Variants in ARHGEF28 observed in about 807,000 individuals in gnomAD.
ARHGEF28 encodes 190 kDa guanine nucleotide exchange factor.
ARHGEF28 carries 152 observed loss-of-function variants against 206.6 expected under a neutral mutation model. That is an observed-to-expected ratio of 0.74 (90% CI 0.64 to 0.84). The LOEUF is 0.84. ARHGEF28 is among the 40% of genes least tolerant of loss of function. The pLI, the probability that ARHGEF28 is intolerant of heterozygous loss-of-function variation, is 0.00. For synonymous variants in ARHGEF28, 763 were observed against 776.4 expected (o/e 0.98, Z 0.29); for missense variants, 2,028 against 2,073.2 (o/e 0.98, Z 0.42).
intron 9 of ARHGEF28, among the ~76,000 whole-genome samples, chr5:73,806,500 T>C (rs1755474978): frequency 8.4e-6 from 1 of 119,178 alleles, no homozygotes; most frequent in Non-Finnish European, 1.7e-5. Context: ...ATGTATATAG[T>C]ATATATCTAT....
At position 73,894,535 on chromosome 5, in the gene ARHGEF28, T is replaced by C; in HGVS notation, c.3801T>C (p.Pro1267=). ...TTATTAAACCTGACCCAGGCGAGCC[T>C]CCCCAGGCAGCCTCATTACTGGCAG... The part of the protein sequence containing the change: ...HLLIKPDPGE[P]PQAASLLAAA... Residue 1267 remains proline, a synonymous_variant, in exon 29 of 36, where the codon CCT becomes CCC. Transcript: ENST00000513042. 5 of 1,613,692 alleles carry C rather than the reference T, an allele frequency of 3.1e-6. No individual in the cohort carries two copies. The highest frequency in any genetic ancestry group is 4.2e-6 in the Non-Finnish European group (5 of 1,179,802).
At chr5:73,664,458 C>A (rs1335484829) in intron 1 of ARHGEF28, among the ~76,000 whole-genome samples, 1 of 152,146 alleles carries the variant, frequency 6.6e-6, no homozygotes, top group Admixed American at 6.5e-5. Context: ...TGACCTTGGG[C>A]AAGGTGCTCA....
At chr5:73,859,540 A>C (rs933531663) in intron 16 of ARHGEF28, among the ~76,000 whole-genome samples, 1 of 152,178 alleles carries the variant, frequency 6.6e-6, no homozygotes, top group African/African-American at 2.4e-5. Flanking sequence ...CACAGTTGAC[A>C]TTGTGTTTAA....
chr5:73,920,110 C>T (rs405063), intron 35 of ARHGEF28, among the ~76,000 whole-genome samples: 17,457 of 152,214 alleles, frequency 0.11, 1,117 homozygotes, highest in South Asian at 0.21. Context: ...TACTGAGGCA[C>T]TGAAAGAAGT....
intron 33 of ARHGEF28, among the ~76,000 whole-genome samples, chr5:73,906,609 A>G (rs1217437092): frequency 1.9e-4 from 29 of 152,254 alleles, no homozygotes; most frequent in Admixed American, 1.9e-3. Flanking sequence ...ATTGGAGAGA[A>G]TCAACACCTT....
At chr5:73,626,428 CAGGGATGCG>C (rs1419623405) in intron 1 of ARHGEF28, 106 bp downstream of exon 1, 6 of 152,172 alleles carry the variant, frequency 3.9e-5, no homozygotes. Flanking sequence ...CCAGGGTCCC[CAGGGATGCG>C]AGGGTCAGCA....
chr5:73,820,907 G>A (rs1166477285), intron 9 of ARHGEF28, among the ~76,000 whole-genome samples: 1 of 152,086 alleles, frequency 6.6e-6, no homozygotes, highest in African/African-American at 2.4e-5. Context: ...TCCTCATGAT[G>A]GTGAGGGGTA....
At chr5:73,811,180 A>G (rs1252184310) in intron 9 of ARHGEF28, among the ~76,000 whole-genome samples, 1 of 152,196 alleles carries the variant, frequency 6.6e-6, no homozygotes, top group Non-Finnish European at 1.5e-5. Flanking sequence ...TGTCCACACT[A>G]GTGAAGGTCC....
chr5:73,781,826 T>C (rs1405415702), intron 7 of ARHGEF28, among the ~76,000 whole-genome samples: 1 of 152,180 alleles, frequency 6.6e-6, no homozygotes, highest in Non-Finnish European at 1.5e-5. Context: ...TAATTAGACA[T>C]GAAGATAAGG....
intron 1 of ARHGEF28, among the ~76,000 whole-genome samples, chr5:73,653,564 T>C (rs1373588079): frequency 3.3e-5 from 5 of 152,240 alleles, no homozygotes; most frequent in Non-Finnish European, 7.3e-5. Flanking sequence ...CGTCTCAGCT[T>C]CTGCCTCCTT....
chr5:73,876,861 T>A (rs11956758), intron 22 of ARHGEF28, among the ~76,000 whole-genome samples: 80,653 of 138,698 alleles, frequency 0.58, 24,432 homozygotes, highest in African/African-American at 0.7. Flanking sequence ...GTGTTCATCA[T>A]GGATATTGGT....
At chr5:73,657,373 A>G (rs1166317889) in intron 1 of ARHGEF28, among the ~76,000 whole-genome samples, 3 of 152,008 alleles carry the variant, frequency 2.0e-5, no homozygotes, top group Non-Finnish European at 2.9e-5. Context: ...TTCATACACG[A>G]TACTTTTATT....
chr5:73,794,448 T>C lies in ARHGEF28; in HGVS notation c.957T>C (p.Asp319=), dbSNP rs184515959. The stretch of plus-strand genomic sequence containing the variant: ...GCAGATCAGCAGCTGAAAAGGAAGA[T>C]ATAAAGGTAATGAATGACTCCCTGC... ...VSSRSAAEKE[D]IKRVKSLVVQ... The change falls in exon 8 of 36, where the codon GAT becomes GAC. Residue 319 remains aspartate, a synonymous_variant. Coordinates refer to ENST00000513042, the MANE Select transcript of ARHGEF28 (RefSeq NM_001177693.2). 2 of 1,599,560 alleles carry C rather than the reference T, an allele frequency of 1.3e-6. No individual in the cohort carries two copies. The highest frequency in any genetic ancestry group is 2.2e-5 in the East Asian group (1 of 44,662).
chr5:73,914,500 G>C (rs1763096720), intron 35 of ARHGEF28, among the ~76,000 whole-genome samples: 1 of 146,168 alleles, frequency 6.8e-6, no homozygotes, highest in Non-Finnish European at 1.5e-5. Flanking sequence ...GAGTTCAGGT[G>C]ATTCTCCTGC....
At position 73,722,587 on chromosome 5, in the gene ARHGEF28, T is replaced by G. The variant is rs569072393; in HGVS notation, c.34-27250T>G. 2.1e-4 allele frequency among the ~76,000 whole-genome samples: 32 copies of G among 152,320 alleles called. 2 individuals are homozygous for G. In the South Asian group the frequency reaches 6.4e-3, roughly 31 times the overall value. On this transcript the variant is annotated intron_variant, in intron 2 of 35. Coordinates refer to ENST00000513042, the MANE Select transcript of ARHGEF28 (RefSeq NM_001177693.2). ...CTTTTCTTTGAATGGGACATGAAAA[T>G]AATGGGTGTGGATATTCTTACTCCT...
intron 9 of ARHGEF28, among the ~76,000 whole-genome samples, chr5:73,809,059 C>T (rs1755677740): frequency 6.6e-6 from 1 of 152,068 alleles, no homozygotes; most frequent in Non-Finnish European, 1.5e-5. Context: ...CAAGACCAGC[C>T]TGGCCATGGT....
At chr5:73,923,182 G>T (rs1446597283) in intron 35 of ARHGEF28, 7 of 1,532,468 alleles carry the variant, frequency 4.6e-6, no homozygotes, top group African/African-American at 1.4e-5. Flanking sequence ...TGCAAGGGGG[G>T]TGCTTAGCCT....
chr5:73,871,088 G>A (rs1760080491), intron 21 of ARHGEF28, among the ~76,000 whole-genome samples: 1 of 152,102 alleles, frequency 6.6e-6, no homozygotes, highest in Non-Finnish European at 1.5e-5. Flanking sequence ...GTCCCTCTTA[G>A]TATTTCTTAA....
chr5:73,776,720 T>C (rs1449966126), intron 6 of ARHGEF28, 24 bp downstream of exon 6: 1 of 1,579,664 alleles, frequency 6.3e-7, no homozygotes, highest in South Asian at 1.2e-5. Flanking sequence ...GATTCTAGCA[T>C]GTGATAATGC....
Sources: allele counts gnomAD v4.1 joint callset (sites outside exome capture counted in the v4.1 genomes callset), GRCh38; gene constraint gnomAD v4.1.1; transcripts MANE v1.5; gene names NCBI Gene and HGNC (gene_info 2026-07-23, HGNC 2026-07-21).